The following SLC16A7 variants were observed in gnomAD, a reference collection of about 807,000 sequenced individuals.
SLC16A7 encodes monocarboxylate transporter 2.
SLC16A7 carries 33 observed loss-of-function variants against 34.9 expected under a neutral mutation model. The ratio of observed to expected loss-of-function variants is 0.94; its 90% CI spans 0.72 to 1.26. The LOEUF (loss-of-function observed/expected upper bound fraction) is 1.26, where lower values mean the gene tolerates loss of function less well. Ranked by LOEUF, SLC16A7 falls within the 50% of genes most tolerant of loss-of-function variation. The pLI, the probability that SLC16A7 is intolerant of heterozygous loss-of-function variation, is 0.00. For missense variants in SLC16A7, 573 were observed against 578.1 expected, an observed-to-expected ratio of 0.99 and a Z score of 0.09; for synonymous variants, 201 against 206.6, an observed-to-expected ratio of 0.97 and a Z score of 0.23.
At chr12:59,615,964 G>T (rs138168962) in intron 1 of SLC16A7, among the ~76,000 whole-genome samples, 1 of 152,162 alleles carries the variant, frequency 6.6e-6, no homozygotes, top group Admixed American at 6.5e-5. Flanking sequence ...CCAGGACCTG[G>T]TGACTGTTCC....
intron 3 of SLC16A7, among the ~76,000 whole-genome samples, chr12:59,721,994 G>T (rs1049735772): frequency 6.6e-6 from 1 of 151,660 alleles, no homozygotes; most frequent in Non-Finnish European, 1.5e-5. Context: ...CTCCATAAAT[G>T]ACCTTGCACC....
In SLC16A7 at chr12:59,696,106, G is replaced by A. The variant is rs188177398; in HGVS notation, c.-30-8666G>A. On this transcript the variant is annotated intron_variant, in intron 2 of 5. Transcript: ENST00000547379. Reference sequence around the variant, plus strand: ...ATTATTTAAGTGACAGATAGTGAATGCCAATAAGAATTTTCTTTCTTATAA... The same window carrying A: ...ATTATTTAAGTGACAGATAGTGAATACCAATAAGAATTTTCTTTCTTATAA... Among the ~76,000 whole-genome samples the A allele has an allele frequency of 1.4e-3, 214 of 151,682 alleles. 1 individual carries two copies. Among genetic ancestry groups the A allele is most frequent in the Middle Eastern group, 7.1e-3 (2 of 282 alleles).
intron 2 of SLC16A7, among the ~76,000 whole-genome samples, chr12:59,661,787 T>A (rs964916422): frequency 2.6e-5 from 4 of 152,240 alleles, no homozygotes; most frequent in African/African-American, 9.6e-5. Context: ...TTAAAGGAAT[T>A]ATTCTATGAA....
intron 3 of SLC16A7, among the ~76,000 whole-genome samples, chr12:59,751,966 C>A (rs1270004208): frequency 6.6e-6 from 1 of 152,156 alleles, no homozygotes; most frequent in Non-Finnish European, 1.5e-5. Context: ...CGCTGATCTG[C>A]AGCCACCAGT....
intron 1 of SLC16A7, among the ~76,000 whole-genome samples, chr12:59,629,950 A>G (rs1305257581): frequency 6.6e-6 from 1 of 151,932 alleles, no homozygotes; most frequent in Admixed American, 6.6e-5. Context: ...CATTGCATGT[A>G]AACTTTTTGA....
At chr12:59,666,035 C>T (rs1869172899) in intron 2 of SLC16A7, among the ~76,000 whole-genome samples, 1 of 151,960 alleles carries the variant, frequency 6.6e-6, no homozygotes, top group Non-Finnish European at 1.5e-5. Context: ...AAATGTCAGG[C>T]AATGATTGAT....
At chr12:59,609,045 A>T (rs1879071751) in intron 1 of SLC16A7, among the ~76,000 whole-genome samples, 1 of 152,208 alleles carries the variant, frequency 6.6e-6, no homozygotes, top group African/African-American at 2.4e-5. Flanking sequence ...AGGTTTGCTG[A>T]AAAATCAATT....
At chr12:59,740,786 T>A (rs561951078) in intron 3 of SLC16A7, among the ~76,000 whole-genome samples, 1 of 152,282 alleles carries the variant, frequency 6.6e-6, no homozygotes, top group East Asian at 1.9e-4. Flanking sequence ...TGTTTGCAGA[T>A]GACATGACTG....
At chr12:59,665,211 C>T (rs1869093152) in intron 2 of SLC16A7, among the ~76,000 whole-genome samples, 2 of 151,792 alleles carry the variant, frequency 1.3e-5, no homozygotes, top group African/African-American at 4.8e-5. Flanking sequence ...TCTTAATCTA[C>T]CAGCTGAAAG....
intron 3 of SLC16A7, among the ~76,000 whole-genome samples, chr12:59,752,817 G>C (rs1230887987): frequency 2.0e-5 from 3 of 152,126 alleles, no homozygotes; most frequent in Non-Finnish European, 4.4e-5. Context: ...ATTCACCAAA[G>C]TTGAAATGAA....
chr12:59,771,423 A>G, intron 4 of SLC16A7, 61 bp downstream of exon 4: 1 of 1,143,318 alleles, frequency 8.7e-7, no homozygotes, highest in South Asian at 2.2e-5. Context: ...GCTCTATGAG[A>G]AGAATGAACA....
chr12:59,659,549 G>A lies in SLC16A7; in HGVS notation c.-31+4299G>A, dbSNP rs1355089551. The stretch of plus-strand genomic sequence containing the variant: ...TTTTGTAGCTAGCTACTCACTATAT[G>A]TTGCTTAAATTAGTTAATTAATTAA... On this transcript the variant is annotated intron_variant, in intron 2 of 5. Transcript: ENST00000547379. 1.3e-5 allele frequency among the ~76,000 whole-genome samples: 2 copies of A among 152,014 alleles called. 1 individual carries two copies. The highest frequency in any genetic ancestry group is 2.9e-5 in the Non-Finnish European group (2 of 68,010).
intron 3 of SLC16A7, among the ~76,000 whole-genome samples, chr12:59,726,007 A>G (rs1334837329): frequency 6.6e-6 from 1 of 152,194 alleles, no homozygotes; most frequent in Non-Finnish European, 1.5e-5. Context: ...CTTTAAGTGG[A>G]CTAAGCCATT....
At chr12:59,750,092 G>C (rs979266224) in intron 3 of SLC16A7, among the ~76,000 whole-genome samples, 2 of 152,020 alleles carry the variant, frequency 1.3e-5, no homozygotes, top group Admixed American at 6.5e-5. Flanking sequence ...TTAAATATAA[G>C]ACTTTAAACC....
chr12:59,774,586 G>A, intron 4 of SLC16A7, 71 bp from the exon 5 acceptor site: 1 of 879,248 alleles, frequency 1.1e-6, no homozygotes, highest in Non-Finnish European at 1.8e-6. Flanking sequence ...TGTACATTTT[G>A]AGGAGTAATT....
At chr12:59,730,241 T>C (rs1320854554) in intron 3 of SLC16A7, among the ~76,000 whole-genome samples, 1 of 151,864 alleles carries the variant, frequency 6.6e-6, no homozygotes, top group Non-Finnish European at 1.5e-5. Flanking sequence ...TGACTCATAT[T>C]TAGGCACCTC....
chr12:59,696,219 G>C (rs571526854), intron 2 of SLC16A7, among the ~76,000 whole-genome samples: 2 of 151,664 alleles, frequency 1.3e-5, no homozygotes, highest in Non-Finnish European at 2.9e-5. Flanking sequence ...TCATGCGCAT[G>C]TTTGGTCATT....
At chr12:59,774,521 TAATC>T in intron 4 of SLC16A7, 132 bp from the exon 5 acceptor site, 1 of 515,380 alleles carries the variant, frequency 1.9e-6, no homozygotes, top group Non-Finnish European at 3.4e-6. Context: ...ACATTTATAA[TAATC>T]AAAATGTACT....
chr12:59,760,360 C>T (rs1218376767), intron 3 of SLC16A7, among the ~76,000 whole-genome samples: 1 of 152,022 alleles, frequency 6.6e-6, no homozygotes, highest in Non-Finnish European at 1.5e-5. Flanking sequence ...TATAAAAGTG[C>T]AGGGCTCTGG....
Sources: allele counts gnomAD v4.1 joint callset (sites outside exome capture counted in the v4.1 genomes callset), GRCh38; gene constraint gnomAD v4.1.1; transcripts MANE v1.5; gene names NCBI Gene and HGNC (gene_info 2026-07-23, HGNC 2026-07-21).